The following NOP58 variants were observed in gnomAD, a reference collection of about 807,000 sequenced individuals.
NOP58 encodes nucleolar protein 58.
Under a neutral mutation model 71.2 loss-of-function variants are expected in NOP58, and 44 were observed. The observed-to-expected ratio is 0.62, with a 90% CI of 0.49 to 0.79. The LOEUF (loss-of-function observed/expected upper bound fraction) is 0.79, where lower values mean the gene tolerates loss of function less well. Among genes scored for constraint, NOP58 ranks in the 30% least tolerant of loss-of-function variants. The pLI is 0.00. For missense variants in NOP58, 538 were observed against 620.2 expected (o/e 0.87, Z 1.41); for synonymous variants, 228 against 200.3 (o/e 1.14, Z -1.17).
At chr2:202,288,093 GTTAA>G (rs1574383979) in intron 6 of NOP58, among the ~76,000 whole-genome samples, 2 of 152,172 alleles carry the variant, frequency 1.3e-5, no homozygotes, top group Middle Eastern at 3.4e-3. Flanking sequence ...TTAACATTAC[GTTAA>G]TTAATTCATT....
chr2:202,303,457 A>G lies in NOP58; in HGVS notation c.*21A>G, dbSNP rs764069200. 7.5e-6 allele frequency: 12 copies of G among 1,601,940 alleles called. No homozygotes were observed. Among genetic ancestry groups the G allele is most frequent in the South Asian group, 3.3e-5 (3 of 90,226 alleles). On this transcript the variant is annotated 3_prime_UTR_variant, in exon 15 of 15. Transcript: ENST00000264279. ...ATTAACAGAAAGGAATTACGATTAT[A>G]TCACCCGGACACACATCATGCTTAA...
At chr2:202,300,131 T>G (rs1689066040) in intron 12 of NOP58, 103 bp from the exon 13 acceptor site, 1 of 960,268 alleles carries the variant, frequency 1.0e-6, no homozygotes, top group African/African-American at 1.7e-5. Context: ...CAACATTGTG[T>G]GCTTATGTAA....
At chr2:202,303,200 A>T (rs1049291741) in intron 14 of NOP58, 143 bp downstream of exon 14, 3 of 1,309,572 alleles carry the variant, frequency 2.3e-6, no homozygotes, top group Non-Finnish European at 3.2e-6. Flanking sequence ...GCTTTGTTGT[A>T]TTTATATTAT....
chr2:202,278,024 T>C, intron 3 of NOP58, 22 bp downstream of exon 3: 1 of 1,464,604 alleles, frequency 6.8e-7, no homozygotes, highest in Non-Finnish European at 9.5e-7. Context: ...AATTAGAAGC[T>C]TGCTTTTTTG....
intron 1 of NOP58, among the ~76,000 whole-genome samples, chr2:202,271,691 C>T (rs1213853989): frequency 1.3e-5 from 2 of 152,134 alleles, no homozygotes; most frequent in Non-Finnish European, 2.9e-5. Flanking sequence ...TCCTGCACTC[C>T]CAGCACTTTG....
At chr2:202,268,827 C>G (rs1167702179) in intron 1 of NOP58, among the ~76,000 whole-genome samples, 1 of 151,996 alleles carries the variant, frequency 6.6e-6, no homozygotes, top group East Asian at 2.0e-4. Flanking sequence ...AGGCTGGTCT[C>G]GAACTCCTGA....
At chr2:202,294,630 A>G (rs187447550) in intron 9 of NOP58, among the ~76,000 whole-genome samples, 1 of 152,294 alleles carries the variant, frequency 6.6e-6, no homozygotes, top group Non-Finnish European at 1.5e-5. Context: ...AATTAGGTAC[A>G]GTAGGATATC....
chr2:202,276,023 C>G (rs1360733904), intron 2 of NOP58, among the ~76,000 whole-genome samples: 1 of 151,954 alleles, frequency 6.6e-6, no homozygotes, highest in Non-Finnish European at 1.5e-5. Context: ...TGTTCCCTTA[C>G]CAGATAAGAA....
At chr2:202,292,699 G>T in intron 8 of NOP58, 78 bp from the exon 9 acceptor site, 1 of 1,122,738 alleles carries the variant, frequency 8.9e-7, no homozygotes, top group Non-Finnish European at 1.3e-6. Context: ...ATAATTGAGG[G>T]CTCCAGTGTT....
chr2:202,271,943 C>T (rs1688517309), intron 1 of NOP58, among the ~76,000 whole-genome samples: 1 of 152,118 alleles, frequency 6.6e-6, no homozygotes, highest in South Asian at 2.1e-4. Flanking sequence ...GACCCTGTCT[C>T]TGGAAAAACA....
chr2:202,302,072 C>CTTTTTTT (rs1187670961), intron 13 of NOP58, among the ~76,000 whole-genome samples: 3 of 119,112 alleles, frequency 2.5e-5, no homozygotes, highest in Non-Finnish European at 3.6e-5. Context: ...TTTTCTTTTT[C>CTTTTTTT]TTTTTTTTTT....
Position 202,292,896 on chromosome 2 carries a change from T to C in NOP58, c.900T>C (p.Ala300=). The C allele has an allele frequency of 1.2e-6, 2 of 1,614,094 alleles. No individual in the cohort carries two copies. Among genetic ancestry groups the C allele is most frequent in the Non-Finnish European group, 1.7e-6 (2 of 1,179,944 alleles). The change falls in exon 9 of 15, where the codon GCT becomes GCC. Residue 300 remains alanine, a synonymous_variant. Coordinates refer to ENST00000264279, the MANE Select transcript of NOP58 (RefSeq NM_015934.5). ...VGELVGARLI[A]HAGSLLNLAK... is the part of the protein sequence containing the mutation. ...AATTAGTTGGAGCACGGCTTATTGC[T>C]CATGCAGGTGATGGTTTTAATGTAA...
At chr2:202,303,109 ATTTC>A (rs754986534) in intron 14 of NOP58, 52 bp downstream of exon 14, 1 of 1,550,160 alleles carries the variant, frequency 6.5e-7, no homozygotes, top group Non-Finnish European at 8.7e-7. Flanking sequence ...AGTTCTCTAT[ATTTC>A]AATCTATTTT....
Position 202,278,010 on chromosome 2 carries a change from A to G in NOP58, c.175+8A>G, listed in dbSNP as rs745451616. 3.9e-6 allele frequency: 6 copies of G among 1,524,384 alleles called. No individual in the cohort carries two copies. Among genetic ancestry groups the G allele is most frequent in the South Asian group, 1.2e-5 (1 of 85,808 alleles). The allele number at this position is 1,524,384 out of a possible 1,614,324, so 94.4% of individuals were successfully genotyped here. On this transcript the variant is annotated splice_region_variant and intron_variant, in intron 3 of 14. Transcript: ENST00000264279. ...CAGCAGAAGCATTAGCAGGTAAAGT[A>G]AAAAATTAGAAGCTTGCTTTTTTGA...
chr2:202,299,974 C>T (rs1351875540), intron 12 of NOP58: 4 of 311,164 alleles, frequency 1.3e-5, no homozygotes, highest in African/African-American at 6.7e-5. Context: ...TTTCCTGTAC[C>T]ATAGTAACTA....
chr2:202,266,233 G>C (rs569007157), intron 1 of NOP58, among the ~76,000 whole-genome samples: 1 of 152,200 alleles, frequency 6.6e-6, no homozygotes, highest in Admixed American at 6.5e-5. Flanking sequence ...GGCAGGAGGC[G>C]TGTTAGAATT....
intron 3 of NOP58, among the ~76,000 whole-genome samples, chr2:202,280,033 C>G (rs979457451): frequency 1.3e-5 from 2 of 152,154 alleles, no homozygotes; most frequent in South Asian, 4.1e-4. Context: ...TTTACAATGC[C>G]TTTTCCTATC....
At chr2:202,290,976 C>T (rs1688875865) in intron 7 of NOP58, 149 bp from the exon 8 acceptor site, 3 of 610,024 alleles carry the variant, frequency 4.9e-6, no homozygotes, top group South Asian at 5.7e-5. Context: ...ATGAGGAAAA[C>T]TGTTATACTA....
intron 9 of NOP58, among the ~76,000 whole-genome samples, chr2:202,294,910 A>T (rs1688966023): frequency 6.6e-6 from 1 of 152,038 alleles, no homozygotes; most frequent in Admixed American, 6.6e-5. Context: ...GGATGCAGTG[A>T]GCCAAGATCG....
Sources: gnomAD v4.1 joint callset for allele counts (sites outside exome capture counted in the v4.1 genomes callset) on GRCh38, gnomAD v4.1.1 for gene constraint, MANE v1.5 for transcripts, NCBI Gene and HGNC (gene_info 2026-07-23, HGNC 2026-07-21) for gene names.